SLIT3: variants seen among roughly 807,000 people sequenced by gnomAD.
SLIT3 encodes slit guidance ligand 3.
In SLIT3, 68 loss-of-function variants were observed where a neutral mutation model predicts 184.0. That is an observed-to-expected ratio of 0.37 (90% CI 0.30 to 0.45). The LOEUF is 0.45. SLIT3 is among the 20% of genes least tolerant of loss of function. The pLI, the probability that SLIT3 is intolerant of heterozygous loss-of-function variation, is 1.00. For synonymous variants in SLIT3, 831 were observed against 828.6 expected (o/e 1.00, Z -0.05); for missense variants, 1,707 against 2,026.0 (o/e 0.84, Z 3.02).
At chr5:169,061,891 G>A (rs1758183983) in intron 4 of SLIT3, among the ~76,000 whole-genome samples, 1 of 152,132 alleles carries the variant, frequency 6.6e-6, no homozygotes, top group Non-Finnish European at 1.5e-5. Flanking sequence ...ACCCTCTGGG[G>A]CCAGAAAGGG....
At chr5:169,280,400 A>C (rs1766958682) in intron 1 of SLIT3, among the ~76,000 whole-genome samples, 1 of 151,162 alleles carries the variant, frequency 6.6e-6, no homozygotes, top group Non-Finnish European at 1.5e-5. Context: ...CTAATTAATC[A>C]CTCCCACTTA....
intron 9 of SLIT3, among the ~76,000 whole-genome samples, chr5:168,795,983 T>C (rs1192546657): frequency 6.6e-6 from 1 of 152,214 alleles, no homozygotes; most frequent in Non-Finnish European, 1.5e-5. Context: ...TTATCTGTCA[T>C]GGAACCATGT....
intron 4 of SLIT3, among the ~76,000 whole-genome samples, chr5:169,041,470 G>A (rs1479418350): frequency 1.3e-5 from 2 of 152,178 alleles, no homozygotes; most frequent in African/African-American, 2.4e-5. Flanking sequence ...GGAGACAGCA[G>A]GGAGGGCTGT....
chr5:169,094,480 A>C (rs964051240), intron 4 of SLIT3, among the ~76,000 whole-genome samples: 2 of 152,206 alleles, frequency 1.3e-5, no homozygotes, highest in African/African-American at 4.8e-5. Context: ...AATACAAAAA[A>C]TTAGCCAGGC....
intron 4 of SLIT3, among the ~76,000 whole-genome samples, chr5:169,019,079 T>A (rs888219397): frequency 6.6e-6 from 1 of 152,194 alleles, no homozygotes; most frequent in African/African-American, 2.4e-5. Context: ...ACATCTTTCA[T>A]AGACAGCAAA....
intron 4 of SLIT3, chr5:169,120,026 C>G (rs886616505): frequency 6.6e-6 from 1 of 152,196 alleles, no homozygotes; most frequent in Non-Finnish European, 1.5e-5. Context: ...CAAATCCAGC[C>G]TTGGATGTGG....
At chr5:168,795,408 G>A in intron 10 of SLIT3, 99 bp downstream of exon 10, 1 of 877,286 alleles carries the variant, frequency 1.1e-6, no homozygotes, top group South Asian at 1.4e-5. Context: ...CAGGAGGAAT[G>A]GACATGGTCC....
intron 4 of SLIT3, among the ~76,000 whole-genome samples, chr5:168,910,386 A>C (rs1761212742): frequency 6.6e-6 from 1 of 152,204 alleles, no homozygotes; most frequent in Non-Finnish European, 1.5e-5. Context: ...ACTTACATGC[A>C]TCTGTATATT....
At chr5:169,213,392 C>G (rs1038312133) in intron 3 of SLIT3, among the ~76,000 whole-genome samples, 1 of 152,164 alleles carries the variant, frequency 6.6e-6, no homozygotes, top group Admixed American at 6.5e-5. Flanking sequence ...CCCTATCAAG[C>G]TGCCATTGGC....
At chr5:169,028,932 C>T (rs1756929468) in intron 4 of SLIT3, among the ~76,000 whole-genome samples, 1 of 152,162 alleles carries the variant, frequency 6.6e-6, no homozygotes, top group Non-Finnish European at 1.5e-5. Flanking sequence ...TAGGCCTGGA[C>T]ATATATTGGT....
chr5:168,848,277 A>G (rs1463618311), intron 5 of SLIT3, among the ~76,000 whole-genome samples: 1 of 152,200 alleles, frequency 6.6e-6, no homozygotes, highest in Admixed American at 6.5e-5. Flanking sequence ...TAGTGACGAC[A>G]ATAAAGACTG....
intron 4 of SLIT3, among the ~76,000 whole-genome samples, chr5:169,183,578 A>G (rs11742763): frequency 0.24 from 36,671 of 152,100 alleles, 5,879 homozygotes; most frequent in African/African-American, 0.44. Context: ...CTGGTCCATG[A>G]CATGACTCTA....
chr5:169,104,969 TTA>T (rs1366804259), intron 4 of SLIT3, among the ~76,000 whole-genome samples: 1 of 152,214 alleles, frequency 6.6e-6, no homozygotes, highest in African/African-American at 2.4e-5. Context: ...AAGAAAAGAA[TTA>T]GTGTCTCAGA....
At position 168,700,694 on chromosome 5, in the gene SLIT3, A is replaced by G; in HGVS notation, c.2845-15T>C. The G allele has an allele frequency of 6.2e-7, 1 of 1,605,732 alleles. No homozygotes were observed. The highest frequency in any genetic ancestry group is 1.7e-5 in the Admixed American group (1 of 59,972). On this transcript the variant is annotated splice_polypyrimidine_tract_variant and intron_variant, in intron 26 of 35. Transcript: ENST00000519560. Reference sequence around the variant, plus strand: ...CAGTCCTTGCCCTGAGGAGCAAAAGAGGGAGAAGCACCTGGTTAGGGGGAC... The same window carrying G: ...CAGTCCTTGCCCTGAGGAGCAAAAGGGGGAGAAGCACCTGGTTAGGGGGAC...
At chr5:169,224,703 A>G (rs113986177) in intron 3 of SLIT3, among the ~76,000 whole-genome samples, 1,650 of 150,180 alleles carry the variant, frequency 0.011, 45 homozygotes, top group African/African-American at 0.039. Context: ...TTCTTTCTTT[A>G]TTGGAGACAG....
At chr5:169,212,138 G>A (rs1474806677) in intron 3 of SLIT3, among the ~76,000 whole-genome samples, 2 of 152,224 alleles carry the variant, frequency 1.3e-5, no homozygotes, top group African/African-American at 4.8e-5. Context: ...TATATACCCA[G>A]TAATGGGATT....
chr5:169,254,582 G>A (rs1010192451), intron 1 of SLIT3, among the ~76,000 whole-genome samples: 3 of 152,128 alleles, frequency 2.0e-5, no homozygotes, highest in South Asian at 2.1e-4. Flanking sequence ...AAACAAGACT[G>A]TGGCAGAAAT....
chr5:169,201,757 C>A (rs944125820), intron 3 of SLIT3, among the ~76,000 whole-genome samples: 1 of 152,202 alleles, frequency 6.6e-6, no homozygotes, highest in Non-Finnish European at 1.5e-5. Context: ...GGAGGAAGTA[C>A]ATCAGCTCTT....
In SLIT3 at chr5:168,824,721, T is replaced by A. The variant is rs1488560568; in HGVS notation, c.558-1390A>T. Among the ~76,000 whole-genome samples, 3 of 152,194 alleles carry A rather than the reference T, an allele frequency of 2.0e-5. No individual in the cohort carries two copies. The East Asian group carries it at 5.8e-4, about 29-fold the overall frequency. ...ATTCCTCATGGTGGCCACTTGTTCC[T>A]GTGCCCTTCTATTCTCCGCTCCTCC... On this transcript the variant is annotated intron_variant, in intron 6 of 35. Coordinates refer to ENST00000519560, the MANE Select transcript of SLIT3 (RefSeq NM_003062.4).
Sources: allele counts gnomAD v4.1 joint callset (sites outside exome capture counted in the v4.1 genomes callset), GRCh38; gene constraint gnomAD v4.1.1; transcripts MANE v1.5; gene names NCBI Gene and HGNC (gene_info 2026-07-23, HGNC 2026-07-21).